Variants in NPAS3 observed in about 807,000 individuals in gnomAD.
NPAS3 encodes neuronal PAS domain protein 3.
A neutral mutation model predicts 73.1 loss-of-function variants in NPAS3; 14 were observed. The observed-to-expected ratio is 0.19, with a 90% CI of 0.13 to 0.30. The LOEUF is 0.30. Among genes scored for constraint, NPAS3 ranks in the 10% least tolerant of loss-of-function variants. NPAS3 has a pLI of 1.00. For synonymous variants in NPAS3, 620 were observed against 541.5 expected, an observed-to-expected ratio of 1.14 and a Z score of -2.01; for missense variants, 1,096 against 1,250.0, an observed-to-expected ratio of 0.88 and a Z score of 1.86.
intron 4 of NPAS3, among the ~76,000 whole-genome samples, chr14:33,483,027 C>G (rs1486148523): frequency 6.6e-6 from 1 of 152,034 alleles, no homozygotes; most frequent in Non-Finnish European, 1.5e-5. Flanking sequence ...GTTTTGTGAT[C>G]CAGGTGGGGA....
At chr14:33,196,015 A>C (rs1371625996) in intron 2 of NPAS3, among the ~76,000 whole-genome samples, 3 of 152,198 alleles carry the variant, frequency 2.0e-5, no homozygotes, top group Non-Finnish European at 2.9e-5. Context: ...CCTAGAGAAA[A>C]ATCCTTTTGT....
chr14:33,663,794 T>A (rs1164281898), intron 5 of NPAS3, among the ~76,000 whole-genome samples: 1 of 152,210 alleles, frequency 6.6e-6, no homozygotes, highest in Non-Finnish European at 1.5e-5. Flanking sequence ...TGTCCAGGAA[T>A]GTATCCATTT....
At chr14:33,498,913 TGA>T (rs1167526513) in intron 4 of NPAS3, among the ~76,000 whole-genome samples, 1 of 145,112 alleles carries the variant, frequency 6.9e-6, no homozygotes, top group South Asian at 2.2e-4. Context: ...TTTAAATGAA[TGA>T]GAGAGAGAGA....
chr14:33,106,503 T>C (rs1382365583), intron 2 of NPAS3, among the ~76,000 whole-genome samples: 1 of 152,148 alleles, frequency 6.6e-6, no homozygotes, highest in Non-Finnish European at 1.5e-5. Context: ...AATACATTGA[T>C]AAATTAAAGG....
intron 3 of NPAS3, among the ~76,000 whole-genome samples, chr14:33,303,957 G>T (rs2042655948): frequency 1.3e-5 from 2 of 152,278 alleles, no homozygotes; most frequent in South Asian, 4.1e-4. Context: ...GCCCAGGCTG[G>T]AGTGCAGTGG....
At chr14:33,411,398 G>T (rs946031957) in intron 4 of NPAS3, among the ~76,000 whole-genome samples, 6 of 152,098 alleles carry the variant, frequency 3.9e-5, no homozygotes, top group African/African-American at 1.4e-4. Context: ...GGCCAGGCTG[G>T]TCTTGAACTC....
At chr14:33,523,285 A>C (rs1402367639) in intron 4 of NPAS3, among the ~76,000 whole-genome samples, 1 of 152,082 alleles carries the variant, frequency 6.6e-6, no homozygotes, top group African/African-American at 2.4e-5. Context: ...GCATGACTCA[A>C]GGCACAGGGA....
At chr14:33,525,549 C>T (rs958849662) in intron 4 of NPAS3, among the ~76,000 whole-genome samples, 2 of 152,140 alleles carry the variant, frequency 1.3e-5, no homozygotes, top group African/African-American at 4.8e-5. Context: ...AGAAAAGGTA[C>T]AATTTCAGGA....
chr14:33,369,481 G>A (rs906334837), intron 4 of NPAS3, among the ~76,000 whole-genome samples: 1 of 141,190 alleles, frequency 7.1e-6, no homozygotes, highest in Non-Finnish European at 1.5e-5. Context: ...ATAAATGGAT[G>A]AAAATTTAGA....
At chr14:33,242,658 G>T (rs753738823) in intron 3 of NPAS3, among the ~76,000 whole-genome samples, 1 of 152,128 alleles carries the variant, frequency 6.6e-6, no homozygotes, top group East Asian at 1.9e-4. Context: ...CTTTTTCTTA[G>T]AGATTTGGGT....
intron 5 of NPAS3, among the ~76,000 whole-genome samples, chr14:33,607,328 T>G (rs182545901): frequency 1.6e-3 from 232 of 149,126 alleles, no homozygotes; most frequent in Non-Finnish European, 1.4e-3. Context: ...TACTCAGCAA[T>G]AGAAAGGAAT....
At chr14:32,999,875 G>A (rs907143147) in intron 1 of NPAS3, among the ~76,000 whole-genome samples, 1 of 152,186 alleles carries the variant, frequency 6.6e-6, no homozygotes, top group Non-Finnish European at 1.5e-5. Flanking sequence ...GTGTTGCATA[G>A]ACTCTGGAGA....
intron 3 of NPAS3, among the ~76,000 whole-genome samples, chr14:33,245,905 T>G (rs1022284406): frequency 1.8e-4 from 24 of 134,468 alleles, no homozygotes; most frequent in African/African-American, 6.3e-4. Context: ...CATATTTTAA[T>G]TTTTTGTTAG....
rs76564721 is a variant in NPAS3, at chr14:33,588,063, T to C, written c.558+27853T>C. ...TGAAAGGTTTTACCCTATCATGTAA[T>C]TACTGTTGTAAAAATAAAGCCAGAT... On this transcript the variant is annotated intron_variant, in intron 5 of 11. Transcript: ENST00000356141. Among the ~76,000 whole-genome samples the C allele has an allele frequency of 2.0e-3, 304 of 152,340 alleles. 1 individual carries two copies. Among genetic ancestry groups the C allele is most frequent in the African/African-American group, 6.9e-3 (289 of 41,586 alleles).
At chr14:33,683,059 CT>C (rs2059984728) in intron 6 of NPAS3, among the ~76,000 whole-genome samples, 1 of 11,966 alleles carries the variant, frequency 8.4e-5, no homozygotes, top group African/African-American at 3.5e-3. Context: ...AACTAACTTT[CT>C]CTTCTCTTTC....
intron 4 of NPAS3, among the ~76,000 whole-genome samples, chr14:33,427,473 TGTC>T (rs755133057): frequency 6.6e-6 from 1 of 151,754 alleles, no homozygotes; most frequent in Non-Finnish European, 1.5e-5. Context: ...TTGGAACATC[TGTC>T]GTCGACTTCT....
chr14:33,130,411 G>A (rs1035436579), intron 2 of NPAS3, among the ~76,000 whole-genome samples: 2 of 152,108 alleles, frequency 1.3e-5, no homozygotes, highest in African/African-American at 4.8e-5. Context: ...AATAGTCTTT[G>A]AATTGCAAGA....
intron 4 of NPAS3, among the ~76,000 whole-genome samples, chr14:33,403,429 A>T (rs917835748): frequency 4.6e-5 from 7 of 152,094 alleles, no homozygotes; most frequent in African/African-American, 1.7e-4. Context: ...GATAGATTAT[A>T]AAATGTTTAG....
At chr14:33,172,742 A>G (rs2045442354) in intron 2 of NPAS3, among the ~76,000 whole-genome samples, 1 of 151,252 alleles carries the variant, frequency 6.6e-6, no homozygotes, top group Admixed American at 6.6e-5. Context: ...CCAGCCTTAA[A>G]AAAAAAAAAA....
Sources: allele counts gnomAD v4.1 joint callset (sites outside exome capture counted in the v4.1 genomes callset), GRCh38; gene constraint gnomAD v4.1.1; transcripts MANE v1.5; gene names NCBI Gene and HGNC (gene_info 2026-07-23, HGNC 2026-07-21).